The following B3GALT5 variants were observed in gnomAD, a reference collection of about 807,000 sequenced individuals.
B3GALT5 encodes UDP-Gal:betaGlcNAc beta 1,3-galactosyltransferase, polypeptide 5.
For synonymous variants in B3GALT5, 156 were observed against 158.6 expected, an observed-to-expected ratio of 0.98 and a Z score of 0.12; for missense variants, 328 against 396.6, an observed-to-expected ratio of 0.83 and a Z score of 1.47.
intron 2 of B3GALT5, chr21:39,657,739 A>G: frequency 1.5e-6 from 1 of 680,680 alleles, no homozygotes; most frequent in Non-Finnish European, 2.1e-6. Context: ...TAATCTACCT[A>G]TCAATCTTTC....
intron 3 of B3GALT5, 27 bp from the exon 4 acceptor site, chr21:39,660,533 C>G (rs754005913): frequency 7.1e-7 from 1 of 1,407,626 alleles, no homozygotes; most frequent in Non-Finnish European, 9.3e-7. Flanking sequence ...CTTTTGAGGT[C>G]TAATCATTGG....
intron 1 of B3GALT5, among the ~76,000 whole-genome samples, chr21:39,616,260 C>G (rs1444243213): frequency 1.3e-5 from 2 of 152,114 alleles, no homozygotes; most frequent in Non-Finnish European, 2.9e-5. Context: ...GCAATGCTCT[C>G]TCTCTTTTTC....
intron 1 of B3GALT5, among the ~76,000 whole-genome samples, chr21:39,637,455 T>C (rs1275096209): frequency 1.3e-5 from 2 of 152,270 alleles, no homozygotes; most frequent in Non-Finnish European, 2.9e-5. Context: ...ACTCTTGTCA[T>C]GTCAGTCAGC....
intron 2 of B3GALT5, 110 bp from the exon 3 acceptor site, chr21:39,659,643 C>CA: frequency 1.8e-6 from 1 of 569,826 alleles, no homozygotes; most frequent in Non-Finnish European, 2.2e-6. Context: ...AATGCGTGCT[C>CA]AGAGTCACAT....
chr21:39,634,708 A>G (rs76668267), intron 1 of B3GALT5, among the ~76,000 whole-genome samples: 4,117 of 152,078 alleles, frequency 0.027, 205 homozygotes, highest in African/African-American at 0.095. Flanking sequence ...CTGGCCAAGC[A>G]TATTGGTTCT....
rs144798714 is a variant in B3GALT5 at position 39,613,232 on chromosome 21, G to A, written c.-392+165G>A. ...TTCTCCTTCGTTCCTTTTAAATGAAGGGAAAGAAAATTGTTACAGACCAAA... is the reference window on the plus strand; with the variant it reads ...TTCTCCTTCGTTCCTTTTAAATGAAAGGAAAGAAAATTGTTACAGACCAAA... On this transcript the variant is annotated intron_variant, in intron 1 of 3. Transcript: ENST00000684187. Among the ~76,000 whole-genome samples, 352 of 152,168 alleles carry A rather than the reference G, an allele frequency of 2.3e-3. 2 individuals are homozygous for A. Among genetic ancestry groups the A allele is most frequent in the African/African-American group, 7.7e-3 (322 of 41,556 alleles).
chr21:39,661,092 G>C lies in B3GALT5; in HGVS notation c.533G>C (p.Arg178Thr), dbSNP rs780385319. 6.2e-7 allele frequency: 1 copy of C among 1,614,152 alleles called. No homozygotes were observed. The highest frequency in any genetic ancestry group is 1.7e-5 in the Admixed American group (1 of 60,022). Reference protein sequence around the residue: ...ELLLKKNRTTRFFTGFLKLNE... With the variant: ...ELLLKKNRTTTFFTGFLKLNE... ...CTTCTGAAGAAAAACAGAACAACCA[G>C]GTTTTTCACTGGCTTCTTGAAACTC... The change falls in exon 4 of 4, where the codon AGG becomes ACG. Residue 178 changes from arginine (R) to threonine (T), a missense_variant. Coordinates refer to ENST00000684187, the MANE Select transcript of B3GALT5 (RefSeq NM_001356336.2). The surrounding 1 kb of genome is among the most constrained non-coding windows in gnomAD (Gnocchi z 4.7).
chr21:39,650,204 TG>T, intron 2 of B3GALT5, among the ~76,000 whole-genome samples: 1 of 152,306 alleles, frequency 6.6e-6, no homozygotes, highest in East Asian at 1.9e-4. Flanking sequence ...TGATTTCTCT[TG>T]GTAGCCAAGT....
At chr21:39,618,758 C>T (rs2079119906) in intron 1 of B3GALT5, among the ~76,000 whole-genome samples, 1 of 151,916 alleles carries the variant, frequency 6.6e-6, no homozygotes, top group Non-Finnish European at 1.5e-5. Context: ...TTTTATTGAA[C>T]AATAGGTTTT....
chr21:39,645,046 G>A (rs867895571), intron 1 of B3GALT5, among the ~76,000 whole-genome samples: 10 of 152,146 alleles, frequency 6.6e-5, no homozygotes, highest in African/African-American at 2.4e-4. Context: ...GAATGGAGGC[G>A]TCAGGCATGA....
At chr21:39,626,258 C>T (rs1013643064) in intron 1 of B3GALT5, among the ~76,000 whole-genome samples, 6 of 152,250 alleles carry the variant, frequency 3.9e-5, no homozygotes, top group Middle Eastern at 3.4e-3. Flanking sequence ...GACAGAATTT[C>T]CTTGCTTTTT....
chr21:39,619,292 C>T (rs1481407888), intron 1 of B3GALT5, among the ~76,000 whole-genome samples: 3 of 152,104 alleles, frequency 2.0e-5, no homozygotes, highest in African/African-American at 7.2e-5. Context: ...CTGTCTGTGT[C>T]CTTACATGCA....
At chr21:39,636,966 A>G (rs1281136117) in intron 1 of B3GALT5, among the ~76,000 whole-genome samples, 2 of 152,206 alleles carry the variant, frequency 1.3e-5, no homozygotes, top group Non-Finnish European at 1.5e-5. Flanking sequence ...TTTCTCATTC[A>G]TGGGACTGTT....
At chr21:39,640,262 G>A (rs746176963) in intron 1 of B3GALT5, among the ~76,000 whole-genome samples, 1 of 152,168 alleles carries the variant, frequency 6.6e-6, no homozygotes, top group Non-Finnish European at 1.5e-5. Flanking sequence ...ATGACTCTAG[G>A]TGGTGGGCGG....
chr21:39,614,544 C>T (rs2079097450), intron 1 of B3GALT5, among the ~76,000 whole-genome samples: 2 of 152,188 alleles, frequency 1.3e-5, no homozygotes, highest in Non-Finnish European at 2.9e-5. Context: ...TAAGTAGGTA[C>T]TTTGAATAAA....
chr21:39,657,953 C>A, intron 2 of B3GALT5: 1 of 1,218,702 alleles, frequency 8.2e-7, no homozygotes, highest in Non-Finnish European at 1.0e-6. Flanking sequence ...TAAGGCAGAG[C>A]TAGCTTGTGC....
intron 1 of B3GALT5, among the ~76,000 whole-genome samples, chr21:39,619,690 A>G (rs927301514): frequency 5.3e-5 from 8 of 152,140 alleles, no homozygotes; most frequent in African/African-American, 1.7e-4. Flanking sequence ...GTCATGATGT[A>G]TTTTGTTTGT....
At chr21:39,656,719 G>T (rs1262838924) in intron 2 of B3GALT5, among the ~76,000 whole-genome samples, 2 of 152,222 alleles carry the variant, frequency 1.3e-5, no homozygotes, top group African/African-American at 4.8e-5. Context: ...CTCAGGTCAG[G>T]CTTAAGGCAA....
At position 39,639,343 on chromosome 21, in the gene B3GALT5, T is replaced by TTCCTTCCTTCC. The variant is rs2079259301; in HGVS notation, c.-391-7048_-391-7047insCCTTCCTTCCT. Among the ~76,000 whole-genome samples the TTCCTTCCTTCC allele has an allele frequency of 8.6e-4, 75 of 86,828 alleles. 4 individuals are homozygous for TTCCTTCCTTCC. The highest frequency in any genetic ancestry group is 3.1e-4 in the Non-Finnish European group (13 of 42,266). 57.0% of individuals were successfully genotyped at this position (86,828 alleles called of 152,430 possible). A position where few individuals can be genotyped will look rare whatever the true frequency, so the allele number is the denominator to read the frequency against. ...CTTTCTTTCTTTCTTTCTTTCTTTC[T>TTCCTTCCTTCC]TTCTTTCCTTCCTTCCTTCCTTCCT... On this transcript the variant is annotated intron_variant, in intron 1 of 3. Transcript: ENST00000684187.
Sources: gnomAD v4.1 joint callset for allele counts (sites outside exome capture counted in the v4.1 genomes callset) on GRCh38, gnomAD v4.1.1 for gene constraint, Gnocchi (gnomAD v3.1) non-coding constraint, MANE v1.5 for transcripts, NCBI Gene and HGNC (gene_info 2026-07-23, HGNC 2026-07-21) for gene names.